CEMIP2: variants seen among roughly 807,000 people sequenced by gnomAD.
CEMIP2 encodes cell surface hyaluronidase CEMIP2.
A neutral mutation model predicts 146.9 loss-of-function variants in CEMIP2; 79 were observed. The observed-to-expected ratio is 0.54, with a 90% CI of 0.45 to 0.65. CEMIP2 has a LOEUF of 0.65. Ranked by LOEUF, CEMIP2 falls within the 30% of genes least tolerant of loss-of-function variation. The probability of loss-of-function intolerance (pLI) is 0.00; values close to 1 mark genes in which losing one functional copy is unlikely to be tolerated. For synonymous variants in CEMIP2, 601 were observed against 606.3 expected (o/e 0.99, Z 0.13); for missense variants, 1,596 against 1,696.2 (o/e 0.94, Z 1.04).
intron 4 of CEMIP2, among the ~76,000 whole-genome samples, chr9:71,740,968 T>A (rs1030538057): frequency 6.6e-6 from 1 of 151,900 alleles, no homozygotes; most frequent in East Asian, 1.9e-4. Context: ...TCTAACAGGT[T>A]ACCACATTAT....
intron 16 of CEMIP2, among the ~76,000 whole-genome samples, chr9:71,710,689 G>T (rs1022462924): frequency 1.3e-5 from 2 of 152,192 alleles, no homozygotes; most frequent in Non-Finnish European, 2.9e-5. Context: ...TAAACAGGAT[G>T]CATAGAGAAC....
chr9:71,716,253 A>G (rs1263607786), intron 14 of CEMIP2, among the ~76,000 whole-genome samples: 1 of 152,038 alleles, frequency 6.6e-6, no homozygotes, highest in African/African-American at 2.4e-5. Context: ...TAAAAACTTT[A>G]GTCTAAATCG....
At chr9:71,761,575 A>G (rs531320880) in intron 1 of CEMIP2, among the ~76,000 whole-genome samples, 3 of 152,352 alleles carry the variant, frequency 2.0e-5, no homozygotes, top group Admixed American at 2.0e-4. Context: ...TATTTCTTTC[A>G]ACTGTAACAC....
At chr9:71,750,426 TTC>T (rs1824217045) in intron 1 of CEMIP2, 41 bp from the exon 2 acceptor site, 3 of 1,357,674 alleles carry the variant, frequency 2.2e-6, no homozygotes, top group Admixed American at 5.2e-5. Context: ...TATGTGTAAA[TTC>T]TTTTTTAATT....
chr9:71,714,404 C>G (rs944804877), intron 15 of CEMIP2, among the ~76,000 whole-genome samples: 2 of 150,540 alleles, frequency 1.3e-5, no homozygotes, highest in African/African-American at 4.9e-5. Flanking sequence ...GAGCCTACCC[C>G]ATTCCCTTCA....
intron 2 of CEMIP2, among the ~76,000 whole-genome samples, chr9:71,747,992 A>G (rs909333465): frequency 2.6e-5 from 4 of 152,060 alleles, no homozygotes; most frequent in Non-Finnish European, 5.9e-5. Flanking sequence ...AAACAAAAAA[A>G]CTCTTAAATT....
At chr9:71,750,648 T>C (rs1025826916) in intron 1 of CEMIP2, among the ~76,000 whole-genome samples, 1 of 151,334 alleles carries the variant, frequency 6.6e-6, no homozygotes, top group Non-Finnish European at 1.5e-5. Context: ...TGTTTCTCCA[T>C]GTAGGTTAGG....
In CEMIP2 at chr9:71,685,789, T is replaced by C. The variant is rs1416013268; in HGVS notation, c.3909A>G (p.Leu1303=). 6.2e-7 allele frequency: 1 copy of C among 1,614,094 alleles called. No homozygotes were observed. Among genetic ancestry groups the C allele is most frequent in the Non-Finnish European group, 8.5e-7 (1 of 1,179,974 alleles). ...GTTTGGCTAATCCCAGAGGTACTAG[T>C]AAGTGTGAAATGTTTAACTGCTTTA... ...GEIKQLNISH[L]LVPLGLAKPA... is the part of the protein sequence containing the mutation. The change falls in exon 23 of 24, where the codon TTA becomes TTG. Residue 1303 remains leucine (L), a synonymous_variant. Transcript: ENST00000377044.
At position 71,684,973 on chromosome 9, in the gene CEMIP2, T is replaced by C. The variant is rs1822009737; in HGVS notation, c.*224A>G. On this transcript the variant is annotated 3_prime_UTR_variant, in exon 24 of 24. Coordinates refer to ENST00000377044, the MANE Select transcript of CEMIP2 (RefSeq NM_013390.3). ...AGGAATAAGAGATCTGCTCTCTGAA[T>C]ACACCAGCCTTACAAATACAAACAA... is the stretch of plus-strand genomic sequence containing the variant. 1 of 472,032 alleles carries C rather than the reference T, an allele frequency of 2.1e-6. No homozygotes were observed. The highest frequency in any genetic ancestry group is 3.7e-6 in the Non-Finnish European group (1 of 268,134). 29.2% of individuals were successfully genotyped at this position (472,032 alleles called of 1,614,324 possible). A position where few individuals can be genotyped will look rare whatever the true frequency, so the allele number is the denominator to read the frequency against.
intron 1 of CEMIP2, among the ~76,000 whole-genome samples, chr9:71,763,790 T>C (rs1271136146): frequency 3.3e-5 from 5 of 152,260 alleles, no homozygotes; most frequent in Admixed American, 3.3e-4. Flanking sequence ...AGATAGCAAT[T>C]CTGTGTTTTA....
intron 22 of CEMIP2, among the ~76,000 whole-genome samples, chr9:71,688,383 GTCTT>G (rs948840399): frequency 1.4e-4 from 22 of 151,808 alleles, no homozygotes; most frequent in Middle Eastern, 3.4e-3. Context: ...CTTTATGGTA[GTCTT>G]TCTTTCTTTC....
chr9:71,687,681 TAATAA>T (rs1221000484), intron 22 of CEMIP2, among the ~76,000 whole-genome samples: 1 of 151,620 alleles, frequency 6.6e-6, no homozygotes, highest in African/African-American at 2.4e-5. Flanking sequence ...ATTAGAAAAA[TAATAA>T]AATTAAAAAC....
chr9:71,759,247 C>G (rs770294589), intron 1 of CEMIP2, among the ~76,000 whole-genome samples: 1 of 152,114 alleles, frequency 6.6e-6, no homozygotes, highest in Non-Finnish European at 1.5e-5. Context: ...TAATAAACAT[C>G]TGTATGCATC....
chr9:71,698,343 G>T, intron 19 of CEMIP2, 139 bp from the exon 20 acceptor site: 1 of 699,982 alleles, frequency 1.4e-6, no homozygotes, highest in Non-Finnish European at 2.4e-6. Flanking sequence ...AAAATGAATA[G>T]TTATTTCTGT....
At position 71,730,882 on chromosome 9, in the gene CEMIP2, A is replaced by G; in HGVS notation, c.1596T>C (p.Ser532=). The change falls in exon 8 of 24, where the codon TCT becomes TCC. Residue 532 remains serine (S), a synonymous_variant. Transcript: ENST00000377044. ...GACCCATGTGTTTCAATTCCACATA[A>G]GAAAGATGGACTGAAGTAAAATTTT... ...IMKNFTSVHL[S]YVELKHMGQQ... 1 of 1,614,250 alleles carries G rather than the reference A, an allele frequency of 6.2e-7. No homozygotes were observed. The highest frequency in any genetic ancestry group is 8.5e-7 in the Non-Finnish European group (1 of 1,180,044).
Position 71,717,990 on chromosome 9 carries a change from C to G in CEMIP2, c.2357G>C (p.Gly786Ala). 2.5e-6 allele frequency: 4 copies of G among 1,612,656 alleles called. No individual in the cohort carries two copies. Among genetic ancestry groups the G allele is most frequent in the Non-Finnish European group, 3.4e-6 (4 of 1,179,246 alleles). ...AATATCTCCTCCTCTGACCCAAGCT[C>G]CATTATCATTATTTTTAAAAGCAAT... Reference protein sequence around the residue: ...RLIAFKNNDNGAWVRGGDIIV... With the variant: ...RLIAFKNNDNAAWVRGGDIIV... Residue 786 changes from glycine to alanine, a missense_variant, in exon 13 of 24, where the codon GGA becomes GCA. Coordinates refer to ENST00000377044, the MANE Select transcript of CEMIP2 (RefSeq NM_013390.3).
At chr9:71,747,341 G>A (rs1200714863) in intron 2 of CEMIP2, among the ~76,000 whole-genome samples, 1 of 152,134 alleles carries the variant, frequency 6.6e-6, no homozygotes, top group Non-Finnish European at 1.5e-5. Context: ...ATGAAATAAT[G>A]AAACACTGAA....
chr9:71,728,996 T>C (rs1823533786), intron 10 of CEMIP2, among the ~76,000 whole-genome samples: 3 of 151,046 alleles, frequency 2.0e-5, no homozygotes, highest in Admixed American at 2.0e-4. Context: ...AGGCCTGGCT[T>C]TTTTTTTGGA....
rs773917548 is a variant in CEMIP2, at chr9:71,725,567, A to G, written c.2178+14T>C. On this transcript the variant is annotated intron_variant, in intron 11 of 23. Transcript: ENST00000377044. The stretch of plus-strand genomic sequence containing the variant: ...TCTAGCATATGTACTAATTGTTAAA[A>G]CTTAGAAACCTACCTTAAAATTTGA... The G allele has an allele frequency of 1.2e-6, 2 of 1,612,732 alleles. No individual in the cohort carries two copies. Among genetic ancestry groups the G allele is most frequent in the South Asian group, 1.1e-5 (1 of 90,958 alleles).
Sources: allele counts gnomAD v4.1 joint callset (sites outside exome capture counted in the v4.1 genomes callset), GRCh38; gene constraint gnomAD v4.1.1; transcripts MANE v1.5; gene names NCBI Gene and HGNC (gene_info 2026-07-23, HGNC 2026-07-21).